FRMD4A: variants seen among roughly 807,000 people sequenced by gnomAD.
The protein encoded by FRMD4A is FERM domain-containing protein 4A.
In FRMD4A, 29 loss-of-function variants were observed where a neutral mutation model predicts 129.1. The observed-to-expected ratio is 0.22, with a 90% CI of 0.17 to 0.31. FRMD4A has a LOEUF of 0.31. Among genes scored for constraint, FRMD4A ranks in the 10% least tolerant of loss-of-function variants. The pLI is 1.00. For missense variants in FRMD4A, 1,272 were observed against 1,375.8 expected (o/e 0.92, Z 1.19); for synonymous variants, 634 against 571.6 (o/e 1.11, Z -1.56).
At chr10:13,869,053 G>A (rs1164231299) in intron 2 of FRMD4A, among the ~76,000 whole-genome samples, 1 of 152,152 alleles carries the variant, frequency 6.6e-6, no homozygotes, top group Non-Finnish European at 1.5e-5. Flanking sequence ...CTCATCCTAG[G>A]GACGCTGCTG....
intron 2 of FRMD4A, among the ~76,000 whole-genome samples, chr10:14,191,150 C>T (rs1842305449): frequency 6.6e-6 from 1 of 152,188 alleles, no homozygotes; most frequent in Admixed American, 6.5e-5. Flanking sequence ...CTCTTGGGGG[C>T]ATAGTCTCAG....
At chr10:13,975,298 ATG>A (rs759599024) in intron 2 of FRMD4A, among the ~76,000 whole-genome samples, 14 of 146,472 alleles carry the variant, frequency 9.6e-5, no homozygotes, top group Admixed American at 7.4e-4. Flanking sequence ...TCATATGTTA[ATG>A]TGTGTGTGTA....
At chr10:13,656,087 A>T (rs1238718681) in intron 22 of FRMD4A, among the ~76,000 whole-genome samples, 1 of 152,216 alleles carries the variant, frequency 6.6e-6, no homozygotes, top group Non-Finnish European at 1.5e-5. Context: ...ATGGCATAAC[A>T]TCATCATCGA....
intron 2 of FRMD4A, among the ~76,000 whole-genome samples, chr10:14,247,740 G>A (rs1452079867): frequency 6.6e-6 from 1 of 152,144 alleles, no homozygotes; most frequent in Non-Finnish European, 1.5e-5. Flanking sequence ...CGGGGCACAG[G>A]ACCCGCTCTG....
intron 2 of FRMD4A, among the ~76,000 whole-genome samples, chr10:14,017,265 A>G (rs930712110): frequency 6.6e-6 from 1 of 150,992 alleles, no homozygotes; most frequent in Non-Finnish European, 1.5e-5. Context: ...ATTGGCTTTC[A>G]AGATCATTTT....
chr10:13,713,567 CA>C (rs1265950266), intron 12 of FRMD4A, among the ~76,000 whole-genome samples: 2 of 151,738 alleles, frequency 1.3e-5, no homozygotes, highest in Non-Finnish European at 2.9e-5. Flanking sequence ...TCAGCAAATA[CA>C]AATGAGTTGT....
At chr10:13,703,138 G>A (rs962350153) in intron 13 of FRMD4A, among the ~76,000 whole-genome samples, 2 of 152,122 alleles carry the variant, frequency 1.3e-5, no homozygotes, top group East Asian at 3.9e-4. Context: ...GACAAGAACA[G>A]TATCTTGAAA....
intron 2 of FRMD4A, among the ~76,000 whole-genome samples, chr10:14,076,458 G>A (rs2131724728): frequency 6.6e-6 from 1 of 152,246 alleles, no homozygotes; most frequent in African/African-American, 2.4e-5. Flanking sequence ...GGCTAACACA[G>A]TGAGACCCTG....
In FRMD4A at chr10:14,242,277, C is replaced by T. The variant is rs117709581; in HGVS notation, c.45+87781G>A. Among the ~76,000 whole-genome samples the T allele has an allele frequency of 8.8e-3, 1,340 of 152,178 alleles. 13 individuals carry two copies. Among genetic ancestry groups the T allele is most frequent in the Middle Eastern group, 0.027 (8 of 294 alleles). The stretch of plus-strand genomic sequence containing the variant: ...CAAAGATGAGGGCTTTCTTTATTCC[C>T]CAAGTGTTCTTTTCCAATATGTTGT... On this transcript the variant is annotated intron_variant, in intron 2 of 24. Coordinates refer to ENST00000357447, the MANE Select transcript of FRMD4A (RefSeq NM_018027.5).
At chr10:14,061,767 T>C (rs1180561903) in intron 2 of FRMD4A, among the ~76,000 whole-genome samples, 4 of 152,188 alleles carry the variant, frequency 2.6e-5, no homozygotes, top group Non-Finnish European at 5.9e-5. Flanking sequence ...CATTGTCACG[T>C]GGTACCTGGA....
chr10:13,666,199 G>A lies in FRMD4A; in HGVS notation c.1501C>T (p.Leu501=). 1 of 1,613,450 alleles carries A rather than the reference G, an allele frequency of 6.2e-7. No homozygotes were observed. The highest frequency in any genetic ancestry group is 8.5e-7 in the Non-Finnish European group (1 of 1,179,360). ...TCCTGCAGTTTCTTCAGTGCATTCA[G>A]ATACGAGGTTTTCCTTTGTTTCTTC... The part of the protein sequence containing the change: ...KLKKQRKTSY[L]NALKKLQEIE... The change falls in exon 18 of 25, where the codon CTG becomes TTG. Residue 501 remains leucine (L), a synonymous_variant. Transcript: ENST00000357447.
chr10:13,676,966 C>T (rs2084060274), intron 15 of FRMD4A, among the ~76,000 whole-genome samples: 2 of 152,110 alleles, frequency 1.3e-5, no homozygotes, highest in South Asian at 4.1e-4. Flanking sequence ...GTCAGAATTC[C>T]CAGAATCCAC....
chr10:14,174,879 CTGTGTG>C (rs56966643), intron 2 of FRMD4A, among the ~76,000 whole-genome samples: 2,029 of 87,616 alleles, frequency 0.023, 27 homozygotes, highest in Middle Eastern at 0.051. Context: ...GTGTGTGTGT[CTGTGTG>C]TGTGTGTGTG....
intron 2 of FRMD4A, among the ~76,000 whole-genome samples, chr10:13,998,367 G>A (rs2095630339): frequency 6.6e-6 from 1 of 152,200 alleles, no homozygotes; most frequent in Non-Finnish European, 1.5e-5. Flanking sequence ...GAGTTGAGAA[G>A]AAATCACATA....
chr10:14,124,759 AT>A (rs762971305), intron 2 of FRMD4A, among the ~76,000 whole-genome samples: 1 of 152,166 alleles, frequency 6.6e-6, no homozygotes, highest in Non-Finnish European at 1.5e-5. Context: ...TACAATCAAG[AT>A]TGCAACCCAG....
intron 2 of FRMD4A, among the ~76,000 whole-genome samples, chr10:14,276,454 A>T (rs1011223530): frequency 3.9e-5 from 6 of 152,226 alleles, no homozygotes; most frequent in Non-Finnish European, 5.9e-5. Flanking sequence ...CCTCTCAGGG[A>T]ACCTATTCAG....
At chr10:13,720,761 G>A (rs944172919) in intron 12 of FRMD4A, among the ~76,000 whole-genome samples, 7 of 152,132 alleles carry the variant, frequency 4.6e-5, no homozygotes, top group African/African-American at 1.7e-4. Flanking sequence ...GGCAAAGCTG[G>A]GCAGCTATGT....
intron 2 of FRMD4A, among the ~76,000 whole-genome samples, chr10:13,927,153 A>G (rs577083990): frequency 6.6e-6 from 1 of 152,074 alleles, no homozygotes; most frequent in Non-Finnish European, 1.5e-5. Context: ...GCTACTGGGG[A>G]GGTGGAGGCA....
intron 2 of FRMD4A, among the ~76,000 whole-genome samples, chr10:13,995,015 T>C (rs1243103253): frequency 6.6e-6 from 1 of 152,238 alleles, no homozygotes. Flanking sequence ...TTAGGTCTTA[T>C]GTGTACCATC....
Sources: allele counts gnomAD v4.1 joint callset (sites outside exome capture counted in the v4.1 genomes callset), GRCh38; gene constraint gnomAD v4.1.1; transcripts MANE v1.5; gene names NCBI Gene and HGNC (gene_info 2026-07-23, HGNC 2026-07-21).